The following MOV10 variants were observed in gnomAD, a reference collection of about 807,000 sequenced individuals.
The protein encoded by MOV10 is RNA helicase MOV-10.
A neutral mutation model predicts 108.4 loss-of-function variants in MOV10; 39 were observed. The ratio of observed to expected loss-of-function variants is 0.36; its 90% CI spans 0.28 to 0.47. MOV10 has a LOEUF of 0.47. Ranked by LOEUF, MOV10 falls within the 20% of genes least tolerant of loss-of-function variation. The pLI, the probability that MOV10 is intolerant of heterozygous loss-of-function variation, is 1.00. For missense variants in MOV10, 952 were observed against 1,297.6 expected (o/e 0.73, Z 4.09); for synonymous variants, 490 against 523.1 (o/e 0.94, Z 0.86).
In MOV10 at chr1:112,675,388, G is replaced by A. The variant is rs948020691; in HGVS notation, c.137+339G>A. Among the ~76,000 whole-genome samples, 17 of 152,184 alleles carry A rather than the reference G, an allele frequency of 1.1e-4. No individual in the cohort carries two copies. The highest frequency in any genetic ancestry group is 2.0e-4 in the Admixed American group (3 of 15,286). Reference sequence around the variant, plus strand: ...CGGGGGCTGAGGGACAGCGCTCGCGGTGGGGGAGGGGAGCCTCCAGAGGGG... The same window carrying A: ...CGGGGGCTGAGGGACAGCGCTCGCGATGGGGGAGGGGAGCCTCCAGAGGGG... On this transcript the variant is annotated intron_variant, in intron 2 of 20. Transcript: ENST00000369645. The surrounding 1 kb of genome is among the most constrained non-coding windows in gnomAD (Gnocchi z 4.7).
intron 17 of MOV10, chr1:112,699,182 A>C: frequency 4.5e-6 from 1 of 224,418 alleles, no homozygotes; most frequent in Non-Finnish European, 8.8e-6. Flanking sequence ...CCCCGCCCCC[A>C]TGCCAGGGCC....
chr1:112,691,305 A>G (rs1378308998), intron 5 of MOV10, among the ~76,000 whole-genome samples: 1 of 152,124 alleles, frequency 6.6e-6, no homozygotes, highest in Non-Finnish European at 1.5e-5. Context: ...CAAACTACAT[A>G]ATAGGACCTT....
At position 112,700,515 on chromosome 1, in the gene MOV10, G is replaced by C. The variant is rs779633995; in HGVS notation, c.*8G>C. The C allele has an allele frequency of 9.3e-6, 15 of 1,612,046 alleles. No homozygotes were observed. The highest frequency in any genetic ancestry group is 1.1e-5 in the Non-Finnish European group (13 of 1,178,952). The stretch of plus-strand genomic sequence containing the variant: ...TGGAGGAATGAGCTCTGAAGACACA[G>C]CACCCAGCCTTCTCGCACCAGCCAA... On this transcript the variant is annotated 3_prime_UTR_variant, in exon 21 of 21. Transcript: ENST00000369645.
At chr1:112,696,879 C>T (rs769993137) in intron 14 of MOV10, 33 bp downstream of exon 14, 6 of 1,526,798 alleles carry the variant, frequency 3.9e-6, no homozygotes, top group Middle Eastern at 1.8e-4. Flanking sequence ...CCTGCCATAT[C>T]CTATGCTTTC....
Position 112,698,858 on chromosome 1 carries a change from C to A in MOV10, c.2583+69C>A, listed in dbSNP as rs1674360373. ...CCACTTGCCCACTTCCAGAGACTTC[C>A]TCAAGCTTCCACTCCAGCCCACGTC... On this transcript the variant is annotated intron_variant, in intron 17 of 20. Coordinates refer to ENST00000369645, the MANE Select transcript of MOV10 (RefSeq NM_001321324.2). 5 of 1,343,120 alleles carry A rather than the reference C, an allele frequency of 3.7e-6. No individual in the cohort carries two copies. The South Asian group carries it at 5.9e-5, about 16-fold the overall frequency. 83.2% of individuals were successfully genotyped at this position (1,343,120 alleles called of 1,614,324 possible).
intron 2 of MOV10, among the ~76,000 whole-genome samples, chr1:112,688,019 C>A (rs1673222177): frequency 6.6e-6 from 1 of 152,092 alleles, no homozygotes; most frequent in Non-Finnish European, 1.5e-5. Flanking sequence ...ATGCTGCCTC[C>A]TGGGAAGGCC....
chr1:112,675,483 C>G lies in MOV10; in HGVS notation c.137+434C>G, dbSNP rs962050246. On this transcript the variant is annotated intron_variant, in intron 2 of 20. Transcript: ENST00000369645. The surrounding 1 kb of genome is among the most constrained non-coding windows in gnomAD (Gnocchi z 4.7). ...GCTGCGAGCCCGAGCGCGGGCTTTA[C>G]AGGGACCTCTGCCACCTTGTTGAGG... 3.3e-5 allele frequency among the ~76,000 whole-genome samples: 5 copies of G among 152,334 alleles called. No individual in the cohort carries two copies. Among genetic ancestry groups the G allele is most frequent in the African/African-American group, 1.2e-4 (5 of 41,590 alleles).
intron 2 of MOV10, among the ~76,000 whole-genome samples, chr1:112,683,347 T>C (rs1445770904): frequency 6.6e-6 from 1 of 152,218 alleles, no homozygotes; most frequent in East Asian, 1.9e-4. Context: ...TTAGACCTTT[T>C]CCCAAAGTGC....
intron 2 of MOV10, among the ~76,000 whole-genome samples, chr1:112,684,431 C>A (rs185787746): frequency 1.3e-4 from 20 of 151,918 alleles, no homozygotes; most frequent in African/African-American, 4.8e-4. Flanking sequence ...CCATGCCCAG[C>A]TAATTTTTTC....
At chr1:112,677,622 CAA>C (rs1284133918) in intron 2 of MOV10, among the ~76,000 whole-genome samples, 1 of 152,230 alleles carries the variant, frequency 6.6e-6, no homozygotes, top group South Asian at 2.1e-4. Context: ...GCTAGCCACG[CAA>C]ATGCTAGATC....
chr1:112,678,933 A>G (rs1672414542), intron 2 of MOV10, among the ~76,000 whole-genome samples: 2 of 152,040 alleles, frequency 1.3e-5, no homozygotes, highest in Non-Finnish European at 2.9e-5. Flanking sequence ...CAACCTTCAC[A>G]AAACAATGCC....
chr1:112,678,106 A>G (rs1672339680), intron 2 of MOV10, among the ~76,000 whole-genome samples: 1 of 152,088 alleles, frequency 6.6e-6, no homozygotes, highest in Non-Finnish European at 1.5e-5. Context: ...ACAACTCTCT[A>G]AATTTTCCAT....
At position 112,694,529 on chromosome 1, in the gene MOV10, C is replaced by T; in HGVS notation, c.1372C>T (p.His458Tyr). ...TFNRQPLRVQ[H>Y]RALELTGRWL... ...CAACCGCCAGCCGCTGCGAGTCCAG[C>T]ACCGTGCCCTGGAGCTGACAGGGCG... Residue 458 changes from histidine (H) to tyrosine (Y), a missense_variant, in exon 9 of 21, where the codon CAC (histidine) becomes TAC (tyrosine). His to Tyr is a moderately conservative substitution (Grantham distance 83, BLOSUM62 2). Around this residue, in one of 5 missense-constraint regions of MOV10, gnomAD observed 453 missense variants for 611.5 expected, o/e 0.74. Transcript: ENST00000369645. This position sits in a 1 kb window ranked among gnomAD's most constrained non-coding sequence, Gnocchi z 4.1. 1 of 1,614,160 alleles carries T rather than the reference C, an allele frequency of 6.2e-7. No individual in the cohort carries two copies. The highest frequency in any genetic ancestry group is 8.5e-7 in the Non-Finnish European group (1 of 1,180,028).
At position 112,675,402 on chromosome 1, in the gene MOV10, C is replaced by G. The variant is rs938574859; in HGVS notation, c.137+353C>G. On this transcript the variant is annotated intron_variant, in intron 2 of 20. Transcript: ENST00000369645. This position sits in a 1 kb window ranked among gnomAD's most constrained non-coding sequence, Gnocchi z 4.7. Reference sequence around the variant, plus strand: ...CAGCGCTCGCGGTGGGGGAGGGGAGCCTCCAGAGGGGGCCCAGGCATCGCG... The same window carrying G: ...CAGCGCTCGCGGTGGGGGAGGGGAGGCTCCAGAGGGGGCCCAGGCATCGCG... Among the ~76,000 whole-genome samples, 28 of 152,286 alleles carry G rather than the reference C, an allele frequency of 1.8e-4. No individual in the cohort carries two copies. Among genetic ancestry groups the G allele is most frequent in the Non-Finnish European group, 1.6e-4 (11 of 67,998 alleles).
intron 19 of MOV10, 22 bp from the exon 20 acceptor site, chr1:112,700,197 G>A (rs760601552): frequency 4.3e-6 from 7 of 1,613,846 alleles, no homozygotes; most frequent in Non-Finnish European, 5.1e-6. Flanking sequence ...AGTCTCTGCT[G>A]GCACTCCTCT....
At chr1:112,697,023 C>T (rs778351744) in intron 14 of MOV10, among the ~76,000 whole-genome samples, 177 bp downstream of exon 14, 3 of 152,166 alleles carry the variant, frequency 2.0e-5, no homozygotes, top group Non-Finnish European at 4.4e-5. Context: ...TTGTTGTCTG[C>T]GTGACTTAGC....
At chr1:112,688,404 T>C in intron 2 of MOV10, 10 of 996,960 alleles carry the variant, frequency 1.0e-5, no homozygotes, top group Non-Finnish European at 1.2e-5. Flanking sequence ...ACCCTATGAC[T>C]TCGGGTGGAA....
chr1:112,677,422 G>A (rs1342436618), intron 2 of MOV10, among the ~76,000 whole-genome samples: 1 of 151,186 alleles, frequency 6.6e-6, no homozygotes, highest in African/African-American at 2.5e-5. Flanking sequence ...TTAAAGCCAG[G>A]CTGGAATGCT....
chr1:112,691,000 C>T (rs986036281), intron 5 of MOV10, among the ~76,000 whole-genome samples: 3 of 152,046 alleles, frequency 2.0e-5, no homozygotes, highest in African/African-American at 4.8e-5. Flanking sequence ...GCAAACTAGC[C>T]GGGTGTGGTG....
Sources: gnomAD v4.1 joint callset for allele counts (sites outside exome capture counted in the v4.1 genomes callset) on GRCh38, gnomAD v4.1.1 for gene constraint, gnomAD v4.1.1 regional missense constraint, Gnocchi (gnomAD v3.1) non-coding constraint, MANE v1.5 for transcripts, NCBI Gene and HGNC (gene_info 2026-07-23, HGNC 2026-07-21) for gene names.